Variants in PCNX2 observed in about 807,000 individuals in gnomAD.
PCNX2 encodes the protein pecanex-like protein 2.
A neutral mutation model predicts 223.8 loss-of-function variants in PCNX2; 168 were observed. That is an observed-to-expected ratio of 0.75 (90% CI 0.66 to 0.85). The LOEUF (loss-of-function observed/expected upper bound fraction) is 0.85, where lower values mean the gene tolerates loss of function less well. Among genes scored for constraint, PCNX2 ranks in the 40% least tolerant of loss-of-function variants. The pLI, the probability that PCNX2 is intolerant of heterozygous loss-of-function variation, is 0.00. For missense variants in PCNX2, 2,507 were observed against 2,675.5 expected (o/e 0.94, Z 1.39); for synonymous variants, 1,006 against 1,052.6 (o/e 0.96, Z 0.86).
intron 19 of PCNX2, among the ~76,000 whole-genome samples, chr1:233,153,536 A>G (rs1460061185): frequency 2.0e-5 from 3 of 152,246 alleles, no homozygotes; most frequent in Admixed American, 2.0e-4. Context: ...CCTGAGTAGA[A>G]GTTCAACAAA....
intron 10 of PCNX2, among the ~76,000 whole-genome samples, chr1:233,225,766 A>C (rs1484448518): frequency 6.6e-6 from 1 of 152,158 alleles, no homozygotes; most frequent in Non-Finnish European, 1.5e-5. Flanking sequence ...ACTTTCAATA[A>C]TTTCTTTTTA....
At chr1:233,141,852 G>A (rs1558274935) in intron 19 of PCNX2, among the ~76,000 whole-genome samples, 1 of 151,604 alleles carries the variant, frequency 6.6e-6, no homozygotes, top group Admixed American at 6.6e-5. Context: ...GAATTCATTC[G>A]AATGGGCTAG....
Position 233,294,491 on chromosome 1 carries a change from T to C in PCNX2, c.153+835A>G, listed in dbSNP as rs189752128. Among the ~76,000 whole-genome samples, 130 of 152,228 alleles carry C rather than the reference T, an allele frequency of 8.5e-4. 2 individuals carry two copies. In the Middle Eastern group the frequency reaches 0.034, roughly 40 times the overall value. On this transcript the variant is annotated intron_variant, in intron 1 of 33. Transcript: ENST00000258229. ...GGAATCCATCAGTCATGCAAACTCA[T>C]TGACGATTTTTGCTGTAAAAAAAAT... is the stretch of plus-strand genomic sequence containing the variant.
the PCNX2 span, among the ~76,000 whole-genome samples, chr1:233,309,782 G>A: frequency 6.6e-6 from 1 of 151,834 alleles, no homozygotes; most frequent in Non-Finnish European, 1.5e-5. Flanking sequence ...GGCGGCTGAG[G>A]TGTGAGAATT....
intron 10 of PCNX2, among the ~76,000 whole-genome samples, chr1:233,225,049 C>T (rs1241504115): frequency 5.0e-5 from 7 of 141,398 alleles, no homozygotes; most frequent in East Asian, 2.1e-4. Flanking sequence ...CAAACCACCA[C>T]GGCACATGTA....
intron 10 of PCNX2, among the ~76,000 whole-genome samples, chr1:233,226,411 AG>A (rs1369139503): frequency 1.3e-5 from 2 of 152,272 alleles, no homozygotes; most frequent in Admixed American, 6.5e-5. Flanking sequence ...CTGGAACTAC[AG>A]GCATGCACCA....
intron 25 of PCNX2, among the ~76,000 whole-genome samples, chr1:233,037,061 GA>G (rs1185108824): frequency 3.3e-5 from 5 of 152,178 alleles, no homozygotes; most frequent in Non-Finnish European, 5.9e-5. Context: ...CCATCACTAA[GA>G]AGCTGTCCTG....
Position 233,287,835 on chromosome 1 carries a change from T to C in PCNX2, c.153+7491A>G, listed in dbSNP as rs1661531117. 1.3e-5 allele frequency among the ~76,000 whole-genome samples: 2 copies of C among 152,154 alleles called. 1 individual carries two copies. The highest frequency in any genetic ancestry group is 4.1e-4 in the South Asian group (2 of 4,826). Reference sequence around the variant, plus strand: ...AACCTACCTCTCTTTGCTAGTTTCATTGACTGTAAAATGGGAATAATGATG... The same window carrying C: ...AACCTACCTCTCTTTGCTAGTTTCACTGACTGTAAAATGGGAATAATGATG... On this transcript the variant is annotated intron_variant, in intron 1 of 33. Coordinates refer to ENST00000258229, the MANE Select transcript of PCNX2 (RefSeq NM_014801.4).
chr1:233,228,766 G>A (rs1657888483), intron 9 of PCNX2, among the ~76,000 whole-genome samples: 1 of 152,232 alleles, frequency 6.6e-6, no homozygotes, highest in South Asian at 2.1e-4. Flanking sequence ...GCTGCTAGGA[G>A]CACAGGTGTG....
intron 21 of PCNX2, among the ~76,000 whole-genome samples, chr1:233,096,745 G>GA (rs1358638021): frequency 1.3e-5 from 2 of 152,008 alleles, no homozygotes; most frequent in Non-Finnish European, 2.9e-5. Flanking sequence ...GAAATGAGAA[G>GA]AAAAAATATA....
At chr1:233,138,082 A>C (rs1213831724) in intron 20 of PCNX2, among the ~76,000 whole-genome samples, 3 of 152,134 alleles carry the variant, frequency 2.0e-5, no homozygotes, top group Admixed American at 2.0e-4. Flanking sequence ...AAACCTCGAA[A>C]AATGTTTTGT....
intron 23 of PCNX2, among the ~76,000 whole-genome samples, chr1:233,061,539 C>T (rs74861762): frequency 0.011 from 1,715 of 152,200 alleles, 29 homozygotes; most frequent in African/African-American, 0.039. Context: ...ATACATTTGC[C>T]CTCCAAGACC....
chr1:233,316,819 C>T, the PCNX2 span, among the ~76,000 whole-genome samples: 9 of 152,140 alleles, frequency 5.9e-5, no homozygotes, highest in African/African-American at 1.9e-4. Flanking sequence ...TCTTTTCTTA[C>T]ACTCCTCTTA....
chr1:233,249,901 C>A (rs149825962), intron 8 of PCNX2, among the ~76,000 whole-genome samples: 1 of 152,342 alleles, frequency 6.6e-6, no homozygotes, highest in African/African-American at 2.4e-5. Context: ...TCTAAGCACA[C>A]AGGACCCCTC....
chr1:233,069,793 C>A (rs1158614033), intron 23 of PCNX2, among the ~76,000 whole-genome samples: 1 of 151,816 alleles, frequency 6.6e-6, no homozygotes, highest in Non-Finnish European at 1.5e-5. Flanking sequence ...AAAAAGGTAT[C>A]AAATTCATAG....
chr1:233,107,441 A>G (rs16858681), intron 21 of PCNX2, among the ~76,000 whole-genome samples: 27,049 of 152,152 alleles, frequency 0.18, 2,516 homozygotes, highest in East Asian at 0.25. Flanking sequence ...AACATTATTT[A>G]TCCTGGGTAA....
At chr1:233,323,364 A>G in the PCNX2 span, among the ~76,000 whole-genome samples, 1 of 152,360 alleles carries the variant, frequency 6.6e-6, no homozygotes, top group African/African-American at 2.4e-5. Context: ...GTAAACTGGT[A>G]TAGTATTTTC....
intron 25 of PCNX2, among the ~76,000 whole-genome samples, chr1:233,037,777 C>A (rs1328225037): frequency 2.0e-5 from 3 of 152,154 alleles, no homozygotes; most frequent in African/African-American, 7.2e-5. Flanking sequence ...TTTTACATCC[C>A]AAGGAGCCTC....
At chr1:233,247,153 G>A (rs577064751) in intron 8 of PCNX2, among the ~76,000 whole-genome samples, 7 of 152,326 alleles carry the variant, frequency 4.6e-5, no homozygotes, top group African/African-American at 9.6e-5. Flanking sequence ...TCCTGAGCAC[G>A]AATTAAACAG....
Sources: gnomAD v4.1 joint callset for allele counts (sites outside exome capture counted in the v4.1 genomes callset) on GRCh38, gnomAD v4.1.1 for gene constraint, MANE v1.5 for transcripts, NCBI Gene and HGNC (gene_info 2026-07-23, HGNC 2026-07-21) for gene names.